The following SYTL2 variants were observed in gnomAD, a reference collection of about 807,000 sequenced individuals.
The protein encoded by SYTL2 is synaptotagmin like 2.
A neutral mutation model predicts 198.7 loss-of-function variants in SYTL2; 165 were observed. That is an observed-to-expected ratio of 0.83 (90% CI 0.73 to 0.94). The LOEUF (loss-of-function observed/expected upper bound fraction) is 0.94, where lower values mean the gene tolerates loss of function less well. SYTL2 is among the 40% of genes least tolerant of loss of function. The probability of loss-of-function intolerance (pLI) is 0.00; values close to 1 mark genes in which losing one functional copy is unlikely to be tolerated. For synonymous variants in SYTL2, 966 were observed against 917.7 expected (o/e 1.05, Z -0.95); for missense variants, 2,835 against 2,582.8 (o/e 1.10, Z -2.12).
intron 7 of SYTL2, among the ~76,000 whole-genome samples, chr11:85,729,021 A>G (rs2089529763): frequency 6.6e-6 from 1 of 152,214 alleles, no homozygotes; most frequent in African/African-American, 2.4e-5. Flanking sequence ...AAAGGGATCA[A>G]TGCAACAAGA....
intron 6 of SYTL2, 35 bp from the exon 7 acceptor site, chr11:85,734,777 T>C (rs1281716364): frequency 5.6e-6 from 8 of 1,421,518 alleles, no homozygotes; most frequent in African/African-American, 4.3e-5. Context: ...ATATATCATA[T>C]AGAGAGTAAT....
the SYTL2 span, among the ~76,000 whole-genome samples, chr11:85,827,604 T>C: frequency 6.6e-6 from 1 of 152,198 alleles, no homozygotes; most frequent in African/African-American, 2.4e-5. Context: ...AAGGCCTGTT[T>C]TGTCCACTGT....
chr11:85,817,632 A>T, the SYTL2 span, among the ~76,000 whole-genome samples: 1 of 152,046 alleles, frequency 6.6e-6, no homozygotes, highest in African/African-American at 2.4e-5. Flanking sequence ...CAGTTTTCCC[A>T]CTTGGGAGAA....
Position 85,709,462 on chromosome 11 carries a change from A to G in SYTL2, c.5784T>C (p.Phe1928=). 2.5e-6 allele frequency: 4 copies of G among 1,614,070 alleles called. No individual in the cohort carries two copies. Among genetic ancestry groups the G allele is most frequent in the Non-Finnish European group, 3.4e-6 (4 of 1,180,002 alleles). The change falls in exon 14 of 20, where the codon TTT becomes TTC. Residue 1928 remains phenylalanine, a synonymous_variant. Coordinates refer to ENST00000359152, the MANE Select transcript of SYTL2 (RefSeq NM_206927.4). The part of the protein sequence containing the change: ...GSVMSVYSGD[F]GNLEVKGNIQ... ...TATTTCCTTTAACTTCCAGATTGCCAAAGTCTCCACTATAAACACTCATCA... is the reference window on the plus strand; with the variant it reads ...TATTTCCTTTAACTTCCAGATTGCCGAAGTCTCCACTATAAACACTCATCA...
At chr11:85,774,164 A>G (rs1323431175) in intron 1 of SYTL2, among the ~76,000 whole-genome samples, 1 of 152,244 alleles carries the variant, frequency 6.6e-6, no homozygotes, top group Non-Finnish European at 1.5e-5. Context: ...AAACTAAATT[A>G]ATGCAATTAA....
At chr11:85,797,280 G>A (rs2153638776) in intron 1 of SYTL2, among the ~76,000 whole-genome samples, 1 of 152,306 alleles carries the variant, frequency 6.6e-6, no homozygotes, top group Admixed American at 6.5e-5. Context: ...GATATTGTAT[G>A]TGAAAACATT....
At chr11:85,791,153 C>A (rs1566028574) in intron 1 of SYTL2, among the ~76,000 whole-genome samples, 1 of 96,398 alleles carries the variant, frequency 1.0e-5, no homozygotes, top group Non-Finnish European at 1.8e-5. Flanking sequence ...GGCAGCAGAG[C>A]TAGAGTCTGC....
At chr11:85,717,691 A>T in intron 10 of SYTL2, 161 bp from the exon 11 acceptor site, 1 of 683,520 alleles carries the variant, frequency 1.5e-6, no homozygotes, top group South Asian at 1.4e-5. Flanking sequence ...ACTCTTCTTC[A>T]TTAGCCTCTT....
At position 85,727,400 on chromosome 11, in the gene SYTL2, G is replaced by A; in HGVS notation, c.1958C>T (p.Ser653Leu). The part of the protein sequence containing the change: ...GSKNMDYSQD[S>L]KSPGKGNGAS... ...CCCATTCCCTTTTCCTGGGCTTTTT[G>A]AATCTTGGCTATAGTCCATATTTTT... The change falls in exon 8 of 20, where the codon TCA becomes TTA. Residue 653 changes from serine (S) to leucine (L), a missense_variant. Transcript: ENST00000359152. 3.3e-6 allele frequency: 5 copies of A among 1,536,236 alleles called. No homozygotes were observed. The highest frequency in any genetic ancestry group is 2.6e-6 in the Non-Finnish European group (3 of 1,146,914).
At chr11:85,771,488 T>G (rs1206091564) in intron 1 of SYTL2, among the ~76,000 whole-genome samples, 1 of 152,220 alleles carries the variant, frequency 6.6e-6, no homozygotes, top group Admixed American at 6.5e-5. Context: ...AACTGTTGTT[T>G]CAGAGCTGGG....
In SYTL2 at chr11:85,727,930, C is replaced by T; in HGVS notation, c.1428G>A (p.Gln476=). The T allele has an allele frequency of 6.2e-7, 1 of 1,613,042 alleles. No homozygotes were observed. Among genetic ancestry groups the T allele is most frequent in the Non-Finnish European group, 8.5e-7 (1 of 1,179,690 alleles). The change falls in exon 8 of 20, where the codon CAG becomes CAA. Residue 476 remains glutamine (Q), a synonymous_variant. Transcript: ENST00000359152. ...GGTCTCTAGAACTGCCACCTGGCAC[C>T]TGAGATGGCTCAGGCTCAACACAAT... ...LSHCVEPEPS[Q]VPGGSSRDRQ...
At chr11:85,730,656 T>G (rs1350707152) in intron 7 of SYTL2, among the ~76,000 whole-genome samples, 1 of 152,112 alleles carries the variant, frequency 6.6e-6, no homozygotes, top group African/African-American at 2.4e-5. Flanking sequence ...GGGCAAAAGC[T>G]GGAAGCATTC....
chr11:85,738,478 T>C (rs1244746321), intron 4 of SYTL2, among the ~76,000 whole-genome samples: 1 of 152,122 alleles, frequency 6.6e-6, no homozygotes, highest in Non-Finnish European at 1.5e-5. Flanking sequence ...AATAGGAATG[T>C]ATAATGGAGC....
chr11:85,728,467 A>C (rs573392006), intron 7 of SYTL2, among the ~76,000 whole-genome samples: 8 of 151,988 alleles, frequency 5.3e-5, no homozygotes, highest in Non-Finnish European at 1.2e-4. Context: ...TTGTATTTTT[A>C]GTAGAGACGG....
chr11:85,721,754 A>G (rs935454724), intron 8 of SYTL2, among the ~76,000 whole-genome samples: 8 of 152,226 alleles, frequency 5.3e-5, no homozygotes. Flanking sequence ...CCTGAAATAC[A>G]TTCCAGTTCT....
the SYTL2 span, among the ~76,000 whole-genome samples, chr11:85,824,322 T>C: frequency 2.0e-5 from 3 of 151,992 alleles, no homozygotes; most frequent in Admixed American, 6.6e-5. Context: ...TTACTGACTG[T>C]TGGGTGTGTG....
intron 1 of SYTL2, among the ~76,000 whole-genome samples, chr11:85,762,195 G>C (rs1475979396): frequency 6.6e-6 from 1 of 152,148 alleles, no homozygotes; most frequent in East Asian, 1.9e-4. Flanking sequence ...GAGACTCACC[G>C]ACCCAGACCC....
At chr11:85,840,724 G>A in the SYTL2 span, among the ~76,000 whole-genome samples, 1 of 152,030 alleles carries the variant, frequency 6.6e-6, no homozygotes. Context: ...ACTCAAGATG[G>A]ATTAAAAACT....
the SYTL2 span, among the ~76,000 whole-genome samples, chr11:85,830,034 T>C: frequency 0.013 from 1,920 of 152,332 alleles, 43 homozygotes; most frequent in African/African-American, 0.044. Context: ...GTTCTCTTTA[T>C]ACACAGTTAA....
Sources: gnomAD v4.1 joint callset for allele counts (sites outside exome capture counted in the v4.1 genomes callset) on GRCh38, gnomAD v4.1.1 for gene constraint, MANE v1.5 for transcripts, NCBI Gene and HGNC (gene_info 2026-07-23, HGNC 2026-07-21) for gene names.